The following SH3RF3 variants were observed in gnomAD, a reference collection of about 807,000 sequenced individuals.
SH3RF3 encodes the protein E3 ubiquitin-protein ligase SH3RF3.
A neutral mutation model predicts 66.3 loss-of-function variants in SH3RF3; 29 were observed. The observed-to-expected ratio is 0.44, with a 90% CI of 0.33 to 0.60. The LOEUF (loss-of-function observed/expected upper bound fraction) is 0.60, where lower values mean the gene tolerates loss of function less well. Among genes scored for constraint, SH3RF3 ranks in the 20% least tolerant of loss-of-function variants. The pLI, the probability that SH3RF3 is intolerant of heterozygous loss-of-function variation, is 0.04. For missense variants in SH3RF3, 1,194 were observed against 1,190.9 expected, an observed-to-expected ratio of 1.00 and a Z score of -0.04; for synonymous variants, 583 against 532.0, an observed-to-expected ratio of 1.10 and a Z score of -1.32.
At chr2:109,351,597 C>T (rs927135518) in intron 2 of SH3RF3, among the ~76,000 whole-genome samples, 2 of 152,226 alleles carry the variant, frequency 1.3e-5, no homozygotes, top group African/African-American at 4.8e-5. Flanking sequence ...CTATGCAGGG[C>T]CCACGCTGCT....
intron 1 of SH3RF3, among the ~76,000 whole-genome samples, chr2:109,255,039 C>T (rs1250798644): frequency 1.3e-5 from 2 of 152,196 alleles, no homozygotes; most frequent in African/African-American, 4.8e-5. Context: ...GGCTCCAACA[C>T]TGTACAAGCC....
chr2:109,386,079 C>A (rs1188505971), intron 3 of SH3RF3, among the ~76,000 whole-genome samples: 1 of 152,154 alleles, frequency 6.6e-6, no homozygotes, highest in African/African-American at 2.4e-5. Context: ...TGAAAAATCT[C>A]AAAAGAATGT....
chr2:109,403,287 A>G (rs747501636), intron 4 of SH3RF3, among the ~76,000 whole-genome samples: 19 of 152,088 alleles, frequency 1.2e-4, no homozygotes, highest in Non-Finnish European at 2.5e-4. Flanking sequence ...CCTGTCCCCC[A>G]TCTCTCCTTC....
intron 1 of SH3RF3, among the ~76,000 whole-genome samples, chr2:109,326,500 G>A (rs901662939): frequency 1.3e-5 from 2 of 152,132 alleles, no homozygotes; most frequent in African/African-American, 4.8e-5. Flanking sequence ...CGCCCTTGCC[G>A]ACACTTGCTG....
Position 109,308,111 on chromosome 2 carries a change from C to T in SH3RF3, c.574-39563C>T, listed in dbSNP as rs1387884167. Among the ~76,000 whole-genome samples the T allele has an allele frequency of 4.9e-4, 71 of 145,152 alleles. 1 individual carries two copies. The highest frequency in any genetic ancestry group is 1.7e-3 in the African/African-American group (64 of 37,374). ...TGTTTCCTGACTTTTTAATGATTGCCATTCTAACTGGTGTGAGATGGTATC... is the reference window on the plus strand; with the variant it reads ...TGTTTCCTGACTTTTTAATGATTGCTATTCTAACTGGTGTGAGATGGTATC... On this transcript the variant is annotated intron_variant, in intron 1 of 9. Coordinates refer to ENST00000309415, the MANE Select transcript of SH3RF3 (RefSeq NM_001099289.3).
At chr2:109,286,830 A>G (rs1479231330) in intron 1 of SH3RF3, among the ~76,000 whole-genome samples, 3 of 152,070 alleles carry the variant, frequency 2.0e-5, no homozygotes, top group Non-Finnish European at 2.9e-5. Flanking sequence ...TAGCCATTCT[A>G]CCTTTCCCAG....
intron 1 of SH3RF3, among the ~76,000 whole-genome samples, chr2:109,305,466 G>GGC (rs1681569305): frequency 6.6e-6 from 1 of 152,120 alleles, no homozygotes; most frequent in Non-Finnish European, 1.5e-5. Context: ...GCCCCTGGAG[G>GGC]CTCAAGGAGC....
At chr2:109,234,756 G>A (rs13419655) in intron 1 of SH3RF3, among the ~76,000 whole-genome samples, 1,637 of 152,260 alleles carry the variant, frequency 0.011, 40 homozygotes, top group African/African-American at 0.038. Flanking sequence ...CACACACCAC[G>A]TTTATTTGCT....
intron 8 of SH3RF3, among the ~76,000 whole-genome samples, chr2:109,484,559 GTT>G (rs1678920082): frequency 6.6e-6 from 1 of 152,074 alleles, no homozygotes; most frequent in Non-Finnish European, 1.5e-5. Flanking sequence ...CTCCTGTGGA[GTT>G]ACCTCCTGCC....
chr2:109,466,849 CTA>C (rs1337490251), intron 8 of SH3RF3, among the ~76,000 whole-genome samples: 1 of 149,970 alleles, frequency 6.7e-6, no homozygotes, highest in African/African-American at 2.5e-5. Context: ...GTGTGCATGT[CTA>C]TACATGTGCA....
intron 6 of SH3RF3, 100 bp downstream of exon 6, chr2:109,432,771 AG>A (rs1230150145): frequency 1.6e-5 from 23 of 1,440,158 alleles, no homozygotes; most frequent in African/African-American, 2.8e-5. Context: ...AGCCGGGCCC[AG>A]AAGGCAGCAA....
chr2:109,213,059 TG>T (rs1679027785), intron 1 of SH3RF3, among the ~76,000 whole-genome samples: 1 of 152,194 alleles, frequency 6.6e-6, no homozygotes, highest in African/African-American at 2.4e-5. Flanking sequence ...GATGCAGTCC[TG>T]GGAAGGCTCG....
chr2:109,392,477 G>T (rs889101427), intron 3 of SH3RF3, among the ~76,000 whole-genome samples: 1 of 152,158 alleles, frequency 6.6e-6, no homozygotes, highest in South Asian at 2.1e-4. Context: ...AGGTAAAGTC[G>T]GCTTGGCCAG....
chr2:109,187,010 C>G (rs1678207158), intron 1 of SH3RF3, among the ~76,000 whole-genome samples: 1 of 152,164 alleles, frequency 6.6e-6, no homozygotes, highest in Non-Finnish European at 1.5e-5. Flanking sequence ...AGAGGCGGAG[C>G]TGGGCCTAGC....
At chr2:109,273,713 C>G (rs1223161885) in intron 1 of SH3RF3, among the ~76,000 whole-genome samples, 1 of 152,192 alleles carries the variant, frequency 6.6e-6, no homozygotes, top group Non-Finnish European at 1.5e-5. Flanking sequence ...AGATCTATCA[C>G]GTTGCAGGGT....
At chr2:109,211,456 G>T (rs116310014) in intron 1 of SH3RF3, among the ~76,000 whole-genome samples, 5,182 of 152,248 alleles carry the variant, frequency 0.034, 267 homozygotes, top group African/African-American at 0.11. Context: ...AGTAGGGGCC[G>T]TGTCTGAGAA....
At position 109,483,413 on chromosome 2, in the gene SH3RF3, G is replaced by A. The variant is rs149051834; in HGVS notation, c.2149-7192G>A. On this transcript the variant is annotated intron_variant, in intron 8 of 9. Transcript: ENST00000309415. ...TGCTTGCTAGATGTCCCACTGGAGC[G>A]TATGCTCTCGGTGCCCAGCAAGAAA... Among the ~76,000 whole-genome samples, 387 of 152,278 alleles carry A rather than the reference G, an allele frequency of 2.5e-3. 3 individuals carry two copies. The highest frequency in any genetic ancestry group is 9.0e-3 in the African/African-American group (375 of 41,548).
intron 3 of SH3RF3, among the ~76,000 whole-genome samples, chr2:109,381,961 G>A (rs556206372): frequency 7.9e-5 from 12 of 152,168 alleles, no homozygotes; most frequent in Non-Finnish European, 1.8e-4. Context: ...ATTAAAATGA[G>A]GTGGAATTTG....
At chr2:109,361,609 G>C (rs1256360891) in intron 2 of SH3RF3, among the ~76,000 whole-genome samples, 2 of 152,130 alleles carry the variant, frequency 1.3e-5, no homozygotes, top group Non-Finnish European at 2.9e-5. Context: ...AAGTAGCTGG[G>C]ACTACAGGCA....
Sources: allele counts gnomAD v4.1 joint callset (sites outside exome capture counted in the v4.1 genomes callset), GRCh38; gene constraint gnomAD v4.1.1; transcripts MANE v1.5; gene names NCBI Gene and HGNC (gene_info 2026-07-23, HGNC 2026-07-21).